The following FAM13A variants were observed in gnomAD, a reference collection of about 807,000 sequenced individuals.
The protein encoded by FAM13A is protein FAM13A.
In FAM13A, 76 loss-of-function variants were observed where a neutral mutation model predicts 129.6. The observed-to-expected ratio is 0.59, with a 90% CI of 0.49 to 0.71. The LOEUF is 0.71. Ranked by LOEUF, FAM13A falls within the 30% of genes least tolerant of loss-of-function variation. The pLI is 0.00. For synonymous variants in FAM13A, 443 were observed against 449.9 expected, an observed-to-expected ratio of 0.98 and a Z score of 0.20; for missense variants, 1,108 against 1,249.3, an observed-to-expected ratio of 0.89 and a Z score of 1.70.
intron 1 of FAM13A, among the ~76,000 whole-genome samples, chr4:89,047,118 A>G (rs1467388312): frequency 2.6e-5 from 4 of 152,142 alleles, no homozygotes. Flanking sequence ...TATCTTATAC[A>G]AAGGGACTGC....
chr4:88,826,855 T>C (rs1007141679), intron 7 of FAM13A, among the ~76,000 whole-genome samples: 11 of 152,120 alleles, frequency 7.2e-5, no homozygotes, highest in Non-Finnish European at 2.9e-5. Context: ...AGAAGCCTGG[T>C]CTCTCCTACA....
chr4:89,040,808 A>G (rs748808499), intron 1 of FAM13A, among the ~76,000 whole-genome samples: 9 of 152,170 alleles, frequency 5.9e-5, no homozygotes, highest in Non-Finnish European at 1.0e-4. Flanking sequence ...GTGTTGCCAA[A>G]GGAGATTAAC....
chr4:88,855,364 A>G (rs1259622824), intron 6 of FAM13A: 3 of 152,172 alleles, frequency 2.0e-5, no homozygotes, highest in African/African-American at 7.2e-5. Context: ...TGTTCATCAT[A>G]TTTTTATTTA....
intron 3 of FAM13A, among the ~76,000 whole-genome samples, chr4:88,997,116 G>A (rs1434017790): frequency 6.6e-6 from 1 of 152,116 alleles, no homozygotes; most frequent in Non-Finnish European, 1.5e-5. Flanking sequence ...CCATAAAAGG[G>A]CCTCAGAAAC....
chr4:88,852,616 T>A (rs765104773), intron 6 of FAM13A, among the ~76,000 whole-genome samples: 7 of 152,190 alleles, frequency 4.6e-5, no homozygotes, highest in Non-Finnish European at 1.0e-4. Flanking sequence ...CAAATAGAGA[T>A]CATAGTCTCC....
intron 4 of FAM13A, among the ~76,000 whole-genome samples, chr4:88,946,923 A>C (rs919810297): frequency 3.3e-5 from 5 of 152,150 alleles, no homozygotes; most frequent in Non-Finnish European, 5.9e-5. Flanking sequence ...AAGATCATAT[A>C]TACACCATAA....
chr4:88,978,138 GC>G (rs2148975094), intron 4 of FAM13A, among the ~76,000 whole-genome samples: 1 of 152,226 alleles, frequency 6.6e-6, no homozygotes, highest in Non-Finnish European at 1.5e-5. Context: ...AAATCCTTGT[GC>G]ACCAGTTTGG....
At chr4:88,756,180 G>T (rs1450406711) in intron 14 of FAM13A, among the ~76,000 whole-genome samples, 1 of 152,216 alleles carries the variant, frequency 6.6e-6, no homozygotes, top group African/African-American at 2.4e-5. Context: ...TAATAGTCAT[G>T]TGGCTAAATC....
intron 7 of FAM13A, among the ~76,000 whole-genome samples, chr4:88,826,312 TA>T (rs35488589): frequency 0.26 from 36,019 of 138,578 alleles, 5,014 homozygotes; most frequent in East Asian, 0.59. Flanking sequence ...CACGTAGGAT[TA>T]AAAAAAAAAA....
intron 7 of FAM13A, among the ~76,000 whole-genome samples, chr4:88,817,807 T>C (rs1731071258): frequency 6.6e-6 from 1 of 152,176 alleles, no homozygotes; most frequent in African/African-American, 2.4e-5. Flanking sequence ...TGCGATGAAA[T>C]GCACTGCAAT....
chr4:88,967,374 A>T (rs1185321181), intron 4 of FAM13A, among the ~76,000 whole-genome samples: 1 of 152,180 alleles, frequency 6.6e-6, no homozygotes, highest in Non-Finnish European at 1.5e-5. Flanking sequence ...TCCCTACACA[A>T]TCTTATTTAA....
intron 19 of FAM13A, among the ~76,000 whole-genome samples, chr4:88,744,983 A>G (rs2604211): frequency 0.44 from 66,327 of 151,986 alleles, 17,438 homozygotes; most frequent in African/African-American, 0.74. Context: ...ATGATAAGAG[A>G]GCTATGAAAT....
chr4:88,959,434 C>G (rs1474580251), intron 4 of FAM13A, among the ~76,000 whole-genome samples: 2 of 152,172 alleles, frequency 1.3e-5, no homozygotes, highest in African/African-American at 2.4e-5. Flanking sequence ...TCTGAGTTCA[C>G]ATGAGATCTG....
intron 13 of FAM13A, among the ~76,000 whole-genome samples, chr4:88,763,273 ATTCG>A (rs1188354412): frequency 1.9e-5 from 2 of 105,834 alleles, no homozygotes; most frequent in East Asian, 2.6e-4. Context: ...TCCCTTTCCC[ATTCG>A]TTCATTCATT....
At chr4:88,972,660 T>G (rs973683251) in intron 4 of FAM13A, among the ~76,000 whole-genome samples, 1 of 151,794 alleles carries the variant, frequency 6.6e-6, no homozygotes, top group Admixed American at 6.6e-5. Context: ...TAGGCTGGAG[T>G]GCAGTGGTGT....
At chr4:89,040,892 G>A (rs1770024597) in intron 1 of FAM13A, among the ~76,000 whole-genome samples, 1 of 152,204 alleles carries the variant, frequency 6.6e-6, no homozygotes, top group African/African-American at 2.4e-5. Flanking sequence ...GCTGCCAGCA[G>A]AGGAACACGG....
intron 5 of FAM13A, among the ~76,000 whole-genome samples, chr4:88,907,011 T>A (rs144272207): frequency 2.8e-4 from 43 of 152,318 alleles, no homozygotes; most frequent in African/African-American, 9.9e-4. Flanking sequence ...AGTCCTTGGT[T>A]CACACCAAAA....
At chr4:88,753,663 A>T in intron 14 of FAM13A, 4 of 914,388 alleles carry the variant, frequency 4.4e-6, no homozygotes, top group Non-Finnish European at 5.2e-6. Flanking sequence ...CGATAGTCTT[A>T]TAATTTAAGG....
intron 3 of FAM13A, 68 bp downstream of exon 3, chr4:89,020,392 T>G (rs1235463953): frequency 6.9e-6 from 8 of 1,153,080 alleles, no homozygotes; most frequent in Non-Finnish European, 8.9e-6. Context: ...GTTGGGATTA[T>G]AGGTGTGGGC....
Sources: allele counts gnomAD v4.1 joint callset (sites outside exome capture counted in the v4.1 genomes callset), GRCh38; gene constraint gnomAD v4.1.1; transcripts MANE v1.5; gene names NCBI Gene and HGNC (gene_info 2026-07-23, HGNC 2026-07-21).